UGT2A2: variants seen among roughly 807,000 people sequenced by gnomAD.
The protein encoded by UGT2A2 is UDP-glucuronosyltransferase 2A2.
UGT2A2 carries 60 observed loss-of-function variants against 50.7 expected under a neutral mutation model. That is an observed-to-expected ratio of 1.18 (90% CI 0.96 to 1.47). UGT2A2 has a LOEUF of 1.47. UGT2A2 is among the 40% of genes most tolerant of loss of function. The pLI is 0.00. For missense variants in UGT2A2, 762 were observed against 634.0 expected (o/e 1.20, Z -2.17); for synonymous variants, 242 against 214.6 (o/e 1.13, Z -1.11).
At position 69,639,563 on chromosome 4, in the gene UGT2A2, A is replaced by C. The variant is rs1372696013; in HGVS notation, c.78T>G (p.Val26=). The stretch of plus-strand genomic sequence containing the variant: ...AAATTAACACATTCCCACTTAGAAC[A>C]ACTTCAGTCAGAGTCAAATTAAAAA... The part of the protein sequence containing the change: ...MLVFNLTLTE[V]VLSGNVLIWP... Residue 26 remains valine (V), a synonymous_variant, in exon 1 of 6, where the codon GTT becomes GTG. Transcript: ENST00000604629. 1 of 1,612,014 alleles carries C rather than the reference A, an allele frequency of 6.2e-7. No homozygotes were observed. Among genetic ancestry groups the C allele is most frequent in the South Asian group, 1.1e-5 (1 of 90,558 alleles).
rs559237044 is a variant in UGT2A2, at chr4:69,595,154, A to G, written c.1111+8T>C. 6.2e-7 allele frequency: 1 copy of G among 1,613,800 alleles called. No homozygotes were observed. Among genetic ancestry groups the G allele is most frequent in the Non-Finnish European group, 8.5e-7 (1 of 1,179,828 alleles). ...CACTGTACAGCTTTTCTTTCCCCACAGTCTTACCAAGAAGATCATTCTGGG... is the reference window on the plus strand; with the variant it reads ...CACTGTACAGCTTTTCTTTCCCCACGGTCTTACCAAGAAGATCATTCTGGG... On this transcript the variant is annotated splice_region_variant and intron_variant, in intron 4 of 5. Coordinates refer to ENST00000604629, the MANE Select transcript of UGT2A2 (RefSeq NM_001105677.2).
At chr4:69,635,828 C>CAGAAAAAAAAAAAAAA (rs1721658425) in intron 1 of UGT2A2, 1 of 49,134 alleles carries the variant, frequency 2.0e-5, no homozygotes, top group African/African-American at 6.6e-5. Context: ...TCCACCTCAC[C>CAGAAAAAAAAAAAAAA]AAAAAAAAAA....
chr4:69,635,671 A>G, intron 1 of UGT2A2: 1 of 261,370 alleles, frequency 3.8e-6, no homozygotes, highest in Non-Finnish European at 7.7e-6. Flanking sequence ...CTCTATTAAA[A>G]ATACAAAAAT....
At chr4:69,625,003 C>A (rs369242151) in intron 1 of UGT2A2, among the ~76,000 whole-genome samples, 6 of 150,140 alleles carry the variant, frequency 4.0e-5, no homozygotes, top group Non-Finnish European at 8.9e-5. Context: ...CTTGTAGCAA[C>A]AAAAAAAATC....
At chr4:69,614,829 T>G (rs774336416) in intron 1 of UGT2A2, among the ~76,000 whole-genome samples, 4 of 152,000 alleles carry the variant, frequency 2.6e-5, no homozygotes, top group Non-Finnish European at 4.4e-5. Context: ...TATCTGACAC[T>G]GTAGTTTATA....
chr4:69,607,876 T>C (rs1370856357), intron 1 of UGT2A2, among the ~76,000 whole-genome samples: 1 of 152,088 alleles, frequency 6.6e-6, no homozygotes, highest in Non-Finnish European at 1.5e-5. Context: ...TGAGATACCA[T>C]CTCACACCAG....
intron 1 of UGT2A2, among the ~76,000 whole-genome samples, chr4:69,624,879 C>A (rs1720952818): frequency 1.3e-5 from 2 of 151,190 alleles, no homozygotes; most frequent in African/African-American, 4.8e-5. Context: ...GACTTATTTA[C>A]AATTTTTGTC....
At chr4:69,627,150 A>G (rs1025738763) in intron 1 of UGT2A2, among the ~76,000 whole-genome samples, 1 of 151,916 alleles carries the variant, frequency 6.6e-6, no homozygotes, top group African/African-American at 2.4e-5. Flanking sequence ...AACATTTTCT[A>G]TTATCTATTT....
At position 69,639,346 on chromosome 4, in the gene UGT2A2, TA is replaced by T; in HGVS notation, c.294del (p.His98GlnfsTer2). On this transcript the variant is annotated frameshift_variant, in exon 1 of 6. Coordinates refer to ENST00000604629, the MANE Select transcript of UGT2A2 (RefSeq NM_001105677.2). LOFTEE classifies it high-confidence loss of function. The part of the protein sequence containing the change: ...KKSNIDSLIE[H>X]MIMLWIDHRP... Reference sequence around the variant, plus strand: ...CTATGGTCAATCCACAGCATTATCATATGCTCAATTAAGGAATCTATATTGC... The same window carrying T: ...CTATGGTCAATCCACAGCATTATCATTGCTCAATTAAGGAATCTATATTGC... 1 of 1,613,750 alleles carries T rather than the reference TA, an allele frequency of 6.2e-7. No individual in the cohort carries two copies. Among genetic ancestry groups the T allele is most frequent in the East Asian group, 2.2e-5 (1 of 44,870 alleles).
rs555232468 is a variant in UGT2A2 at position 69,624,377 on chromosome 4, CAG to C, written c.742+14520_742+14521del. On this transcript the variant is annotated intron_variant, in intron 1 of 5. Transcript: ENST00000604629. ...TCTTTATGAGTTTCTTAAGATAGCACAGAGTTTAGTCTTGCTTTTTTTAAAAA... is the reference window on the plus strand; with the variant it reads ...TCTTTATGAGTTTCTTAAGATAGCACAGTTTAGTCTTGCTTTTTTTAAAAA... Among the ~76,000 whole-genome samples, 26 of 151,258 alleles carry C rather than the reference CAG, an allele frequency of 1.7e-4. No individual in the cohort carries two copies. The South Asian group carries it at 5.4e-3, about 32-fold the overall frequency.
At chr4:69,592,390 T>C (rs145121158) in intron 5 of UGT2A2, among the ~76,000 whole-genome samples, 52 of 150,064 alleles carry the variant, frequency 3.5e-4, no homozygotes, top group African/African-American at 1.3e-3. Flanking sequence ...TATTGAAAAA[T>C]AAATGAGAAA....
At chr4:69,628,787 C>T (rs190323010) in intron 1 of UGT2A2, among the ~76,000 whole-genome samples, 2 of 147,890 alleles carry the variant, frequency 1.4e-5, no homozygotes, top group Non-Finnish European at 3.0e-5. Flanking sequence ...AAATAAAATA[C>T]GTGAAATGCC....
intron 1 of UGT2A2, among the ~76,000 whole-genome samples, chr4:69,604,073 A>G (rs1719459450): frequency 7.3e-6 from 1 of 136,260 alleles, no homozygotes; most frequent in South Asian, 2.4e-4. Context: ...AGAACGCCAC[A>G]AAGATACTCC....
intron 1 of UGT2A2, among the ~76,000 whole-genome samples, chr4:69,632,948 A>G (rs1721469372): frequency 6.6e-6 from 1 of 152,038 alleles, no homozygotes; most frequent in African/African-American, 2.4e-5. Flanking sequence ...GGAATACGTT[A>G]TGCACTAGAG....
intron 1 of UGT2A2, among the ~76,000 whole-genome samples, chr4:69,634,264 A>G (rs1721556197): frequency 6.6e-6 from 1 of 151,900 alleles, no homozygotes; most frequent in African/African-American, 2.4e-5. Flanking sequence ...ACAAAACAAA[A>G]CAAAACAAAA....
rs142373037 is a variant in UGT2A2, at chr4:69,615,786, G to A, written c.743-16392C>T. On this transcript the variant is annotated intron_variant, in intron 1 of 5. Transcript: ENST00000604629. ...AATGCTGGTGAGGATATGGAAAAAG[G>A]GAACCCTTGTGCACTGTTGGTGGGA... is the stretch of plus-strand genomic sequence containing the variant. 7.2e-4 allele frequency among the ~76,000 whole-genome samples: 109 copies of A among 152,066 alleles called. No individual in the cohort carries two copies. The East Asian group carries it at 0.017, about 23-fold the overall frequency.
chr4:69,628,704 T>C (rs1385448950), intron 1 of UGT2A2, among the ~76,000 whole-genome samples: 1 of 149,026 alleles, frequency 6.7e-6, no homozygotes, highest in Non-Finnish European at 1.5e-5. Flanking sequence ...AAGCATTTTC[T>C]TTAAAAGCAA....
chr4:69,621,797 T>C (rs968317215), intron 1 of UGT2A2, among the ~76,000 whole-genome samples: 1 of 151,948 alleles, frequency 6.6e-6, no homozygotes, highest in Non-Finnish European at 1.5e-5. Context: ...GTGGTATATA[T>C]GCATCATAGA....
intron 5 of UGT2A2, among the ~76,000 whole-genome samples, chr4:69,592,361 C>A (rs1685673755): frequency 1.3e-5 from 2 of 151,998 alleles, no homozygotes; most frequent in Non-Finnish European, 2.9e-5. Context: ...AAAATAACAG[C>A]CTGATAACCA....
Sources: allele counts gnomAD v4.1 joint callset (sites outside exome capture counted in the v4.1 genomes callset), GRCh38; gene constraint gnomAD v4.1.1; transcripts MANE v1.5; gene names NCBI Gene and HGNC (gene_info 2026-07-23, HGNC 2026-07-21).